The following ZNF69 variants were observed in gnomAD, a reference collection of about 807,000 sequenced individuals.
ZNF69 encodes the protein ZNF3.
Under a neutral mutation model 50.9 loss-of-function variants are expected in ZNF69, and 47 were observed. The observed-to-expected ratio is 0.92, with a 90% CI of 0.73 to 1.18. The LOEUF (loss-of-function observed/expected upper bound fraction) is 1.18. Among genes scored for constraint, ZNF69 ranks in the 50% most tolerant of loss-of-function variants. The pLI is 0.00. For synonymous variants in ZNF69, 216 were observed against 223.1 expected, an observed-to-expected ratio of 0.97 and a Z score of 0.29; for missense variants, 717 against 675.1, an observed-to-expected ratio of 1.06 and a Z score of -0.69.
chr19:11,903,600 G>A lies in ZNF69; in HGVS notation c.91G>A (p.Val31Met). Residue 31 changes from valine (V) to methionine (M), a missense_variant, in exon 2 of 4, where the codon GTG becomes ATG. Val to Met is a conservative substitution (Grantham distance 21). Transcript: ENST00000429654. ...CCCAGTGGCCTTTGATGATGTTGCT[G>A]TGAACTTCACCCAGGAGGAGTGGGC... ...MDPVAFDDVA[V>M]NFTQEEWALL... The A allele has an allele frequency of 6.2e-7, 1 of 1,614,134 alleles. No individual in the cohort carries two copies.
the ZNF69 span, among the ~76,000 whole-genome samples, chr19:11,968,994 C>G: frequency 6.6e-6 from 1 of 152,190 alleles, no homozygotes; most frequent in African/African-American, 2.4e-5. Context: ...AAGGAGGGTT[C>G]CAGCTAGCTA....
chr19:11,944,717 G>C, the ZNF69 span, among the ~76,000 whole-genome samples: 8 of 152,194 alleles, frequency 5.3e-5, no homozygotes, highest in Admixed American at 1.3e-4. Flanking sequence ...TTCAAAGGGG[G>C]CTGCTCCATA....
At chr19:11,968,537 TG>T in the ZNF69 span, among the ~76,000 whole-genome samples, 7 of 152,200 alleles carry the variant, frequency 4.6e-5, no homozygotes, top group Non-Finnish European at 1.5e-5. Context: ...CAAATGCATG[TG>T]GATAACAACT....
intron 1 of ZNF69, among the ~76,000 whole-genome samples, chr19:11,892,666 C>A (rs1222355977): frequency 6.6e-6 from 1 of 152,030 alleles, no homozygotes; most frequent in Non-Finnish European, 1.5e-5. Flanking sequence ...TCCCTTCAGT[C>A]ATTTACAACA....
At chr19:11,933,543 C>A in the ZNF69 span, among the ~76,000 whole-genome samples, 16 of 147,586 alleles carry the variant, frequency 1.1e-4, 3 homozygotes, top group African/African-American at 3.7e-4. Flanking sequence ...CTTCTGCCAC[C>A]CCTATTTATC....
At chr19:11,941,548 C>G in the ZNF69 span, among the ~76,000 whole-genome samples, 66 of 152,354 alleles carry the variant, frequency 4.3e-4, no homozygotes, top group Middle Eastern at 3.4e-3. Flanking sequence ...GGTGCTAAGC[C>G]CCTCATTGCC....
At chr19:11,896,853 G>A (rs930229869) in intron 1 of ZNF69, among the ~76,000 whole-genome samples, 19 of 152,034 alleles carry the variant, frequency 1.2e-4, no homozygotes, top group Admixed American at 1.2e-3. Flanking sequence ...AAACTGCCTT[G>A]TAAATTTCAT....
At chr19:11,915,911 GA>G (rs371427650), downstream of ZNF69, among the ~76,000 whole-genome samples, 14 of 150,728 alleles carry the variant, frequency 9.3e-5, no homozygotes, top group Non-Finnish European at 1.5e-4. Context: ...CTCCAAAAAA[GA>G]AAAAAAAAGC....
At chr19:11,977,364 A>G in the ZNF69 span, 38 of 1,613,692 alleles carry the variant, frequency 2.4e-5, no homozygotes, top group Admixed American at 8.3e-5. Context: ...CTGTGTCTGT[A>G]TTTTAGGGAA....
chr19:11,897,382 T>G (rs1475740238), intron 1 of ZNF69, among the ~76,000 whole-genome samples: 1 of 151,674 alleles, frequency 6.6e-6, no homozygotes, highest in African/African-American at 2.4e-5. Context: ...ATAAAGAGAT[T>G]ATTCCAGCAT....
chr19:11,948,382 T>G, the ZNF69 span: 34 of 1,613,826 alleles, frequency 2.1e-5, no homozygotes, highest in Non-Finnish European at 2.9e-5. Context: ...GAAGAAAGCT[T>G]CTCCTGAAGT....
At chr19:11,916,700 C>T (rs1445791549), downstream of ZNF69, among the ~76,000 whole-genome samples, 1 of 152,074 alleles carries the variant, frequency 6.6e-6, no homozygotes, top group Non-Finnish European at 1.5e-5. Flanking sequence ...GACTAAAGAT[C>T]ACTAAAGAGA....
chr19:11,949,931 A>G, the ZNF69 span: 66 of 1,611,460 alleles, frequency 4.1e-5, 1 homozygote, highest in South Asian at 7.1e-4. Flanking sequence ...TCAAACCTTC[A>G]GATGCATGAA....
chr19:11,942,786 C>G, the ZNF69 span, among the ~76,000 whole-genome samples: 2 of 152,162 alleles, frequency 1.3e-5, no homozygotes, highest in Non-Finnish European at 2.9e-5. Context: ...TTTTAACTAC[C>G]AGGCCTGGGG....
the ZNF69 span, among the ~76,000 whole-genome samples, chr19:11,960,277 C>T: frequency 6.6e-6 from 1 of 152,208 alleles, no homozygotes; most frequent in Non-Finnish European, 1.5e-5. Context: ...CTTGGCCTCC[C>T]AAAGTGCTGG....
intron 1 of ZNF69, among the ~76,000 whole-genome samples, chr19:11,898,275 T>C (rs1322701932): frequency 6.6e-6 from 1 of 152,176 alleles, no homozygotes; most frequent in Non-Finnish European, 1.5e-5. Flanking sequence ...TAATTCACTT[T>C]CTTATTTAAT....
rs1466159823 is a variant in ZNF69, at chr19:11,906,675, T to C, written c.*577T>C. 6.6e-6 allele frequency among the ~76,000 whole-genome samples: 1 copy of C among 152,018 alleles called. No individual in the cohort carries two copies. ...AACCACACCAAAACCCATCTGTACA[T>C]CACCATCATCAAAGACCAAAAGTAG... On this transcript the variant is annotated 3_prime_UTR_variant, in exon 4 of 4. Coordinates refer to ENST00000429654, the MANE Select transcript of ZNF69 (RefSeq NM_001364730.1).
the ZNF69 span, among the ~76,000 whole-genome samples, chr19:11,934,538 T>G: frequency 2.4e-4 from 36 of 148,192 alleles, no homozygotes; most frequent in Admixed American, 2.3e-3. Flanking sequence ...TTTGTTTGTT[T>G]GTTTGGAGAT....
the ZNF69 span, among the ~76,000 whole-genome samples, chr19:11,941,507 A>T: frequency 7.2e-5 from 11 of 152,172 alleles, no homozygotes; most frequent in East Asian, 2.1e-3. Flanking sequence ...CTACTGGGGG[A>T]CCCAGTACAC....
Sources: allele counts gnomAD v4.1 joint callset (sites outside exome capture counted in the v4.1 genomes callset), GRCh38; gene constraint gnomAD v4.1.1; transcripts MANE v1.5; gene names NCBI Gene and HGNC (gene_info 2026-07-23, HGNC 2026-07-21).